The following CTNNA3 variants were observed in gnomAD, a reference collection of about 807,000 sequenced individuals.
CTNNA3 encodes the protein catenin alpha 3.
CTNNA3 carries 76 observed loss-of-function variants against 95.7 expected under a neutral mutation model. That is an observed-to-expected ratio of 0.79 (90% confidence interval 0.66 to 0.96). CTNNA3 has a LOEUF of 0.96. Ranked by LOEUF, CTNNA3 falls within the 40% of genes least tolerant of loss-of-function variation. The pLI is 0.00. For synonymous variants in CTNNA3, 431 were observed against 374.4 expected (o/e 1.15, Z -1.74); for missense variants, 1,191 against 1,089.8 (o/e 1.09, Z -1.31).
At chr10:66,319,571 T>A (rs1012282233) in intron 12 of CTNNA3, among the ~76,000 whole-genome samples, 2 of 152,132 alleles carry the variant, frequency 1.3e-5, no homozygotes, top group Non-Finnish European at 2.9e-5. Context: ...AACATAATTG[T>A]TTAAGCAGCT....
At chr10:67,587,815 CT>C (rs1842682137) in intron 3 of CTNNA3, among the ~76,000 whole-genome samples, 1 of 152,116 alleles carries the variant, frequency 6.6e-6, no homozygotes, top group African/African-American at 2.4e-5. Context: ...CTTTTGATCC[CT>C]TTTTGCCCTT....
intron 13 of CTNNA3, among the ~76,000 whole-genome samples, chr10:66,152,331 G>T (rs542634764): frequency 3.3e-5 from 5 of 151,872 alleles, no homozygotes; most frequent in African/African-American, 4.8e-5. Flanking sequence ...GATATTAATT[G>T]TAAATGATAT....
At chr10:65,960,626 T>C (rs912040343) in intron 17 of CTNNA3, among the ~76,000 whole-genome samples, 2 of 152,198 alleles carry the variant, frequency 1.3e-5, no homozygotes, top group African/African-American at 4.8e-5. Flanking sequence ...ATCTCTCAAA[T>C]AGTGAACATA....
chr10:67,644,360 C>T (rs1228922690), intron 2 of CTNNA3, among the ~76,000 whole-genome samples: 3 of 151,990 alleles, frequency 2.0e-5, no homozygotes, highest in Non-Finnish European at 2.9e-5. Context: ...TCCTATCCTT[C>T]GTCCGCTTTT....
At chr10:67,627,257 C>G (rs1838989676) in intron 2 of CTNNA3, among the ~76,000 whole-genome samples, 1 of 152,112 alleles carries the variant, frequency 6.6e-6, no homozygotes, top group African/African-American at 2.4e-5. Context: ...ACAAGTCCGT[C>G]CTCTGCCCTG....
chr10:66,401,647 T>C (rs1320593547), intron 11 of CTNNA3, among the ~76,000 whole-genome samples: 8 of 148,132 alleles, frequency 5.4e-5, no homozygotes, highest in Non-Finnish European at 1.2e-4. Flanking sequence ...ATTAAATTAT[T>C]CCATTTCTTT....
At chr10:66,823,903 A>C (rs1842396847) in intron 7 of CTNNA3, among the ~76,000 whole-genome samples, 1 of 152,154 alleles carries the variant, frequency 6.6e-6, no homozygotes, top group African/African-American at 2.4e-5. Flanking sequence ...AATATTGGAG[A>C]GTTACCATAT....
intron 7 of CTNNA3, among the ~76,000 whole-genome samples, chr10:67,157,485 AAG>A (rs559902680): frequency 4.6e-5 from 7 of 152,178 alleles, no homozygotes; most frequent in Non-Finnish European, 8.8e-5. Context: ...CCTTAAACCC[AAG>A]GTAGAAAAAA....
chr10:66,556,465 T>C (rs1842393250), intron 10 of CTNNA3, among the ~76,000 whole-genome samples: 5 of 152,080 alleles, frequency 3.3e-5, no homozygotes, highest in Admixed American at 2.6e-4. Context: ...ACAACCTATG[T>C]ATCTGTGAAT....
intron 11 of CTNNA3, among the ~76,000 whole-genome samples, chr10:66,412,346 G>A (rs989642431): frequency 6.6e-6 from 1 of 151,886 alleles, no homozygotes; most frequent in Non-Finnish European, 1.5e-5. Flanking sequence ...AAAATGAAGA[G>A]GCCACAAGGT....
At position 67,180,442 on chromosome 10, in the gene CTNNA3, T is replaced by C; in HGVS notation, c.922A>G (p.Ile308Val). 2 of 1,613,914 alleles carry C rather than the reference T, an allele frequency of 1.2e-6. No individual in the cohort carries two copies. Among genetic ancestry groups the C allele is most frequent in the Middle Eastern group, 1.7e-4 (1 of 6,060 alleles). ...PSLEKRLEAIISGAALLADSS... is the reference protein window; with the variant it reads ...PSLEKRLEAIVSGAALLADSS... ...TCCGCCAGCAGAGCAGCCCCACTGA[T>C]AATGGCTTCAAGGCGTTTCTCTAGT... The change falls in exon 7 of 18, where the codon ATC becomes GTC. Residue 308 changes from isoleucine (I) to valine (V), a missense_variant. Coordinates refer to ENST00000433211, the MANE Select transcript of CTNNA3 (RefSeq NM_013266.4).
At chr10:66,060,466 A>T (rs59558417) in intron 15 of CTNNA3, among the ~76,000 whole-genome samples, 35,528 of 151,980 alleles carry the variant, frequency 0.23, 4,184 homozygotes, top group Admixed American at 0.26. Context: ...ACTTAAACAC[A>T]CTAGCACGGA....
chr10:66,091,817 T>G (rs569329509), intron 14 of CTNNA3, among the ~76,000 whole-genome samples: 1 of 151,670 alleles, frequency 6.6e-6, no homozygotes, highest in Middle Eastern at 3.4e-3. Context: ...AAAACAGACC[T>G]AAAGCCAATT....
chr10:67,401,658 G>A (rs185853947), intron 5 of CTNNA3, among the ~76,000 whole-genome samples: 2 of 152,276 alleles, frequency 1.3e-5, no homozygotes, highest in Admixed American at 6.5e-5. Flanking sequence ...GTGATTGGAT[G>A]TGGCTCCCCC....
chr10:67,452,762 T>A (rs1452315201), intron 5 of CTNNA3, among the ~76,000 whole-genome samples: 1 of 152,144 alleles, frequency 6.6e-6, no homozygotes, highest in African/African-American at 2.4e-5. Flanking sequence ...GGAACACAGA[T>A]AATAGTTTCC....
chr10:67,301,704 C>T (rs1194214785), intron 5 of CTNNA3, among the ~76,000 whole-genome samples: 5 of 152,154 alleles, frequency 3.3e-5, no homozygotes, highest in African/African-American at 1.2e-4. Context: ...CATGGTGGCT[C>T]ACGCCTGTAA....
intron 5 of CTNNA3, among the ~76,000 whole-genome samples, chr10:67,245,135 C>A (rs1174357089): frequency 2.0e-5 from 3 of 152,158 alleles, no homozygotes; most frequent in African/African-American, 7.2e-5. Flanking sequence ...GCTCCATGGA[C>A]CTCCTTGCTG....
intron 12 of CTNNA3, among the ~76,000 whole-genome samples, chr10:66,312,017 G>A (rs1231648479): frequency 6.6e-6 from 1 of 152,126 alleles, no homozygotes; most frequent in Non-Finnish European, 1.5e-5. Context: ...ACTAAACAAA[G>A]CTGCTACGTA....
chr10:66,360,631 CT>C (rs781292916), intron 12 of CTNNA3, among the ~76,000 whole-genome samples: 2 of 47,098 alleles, frequency 4.2e-5, no homozygotes, highest in Non-Finnish European at 8.5e-5. Context: ...TTCTTTCTTT[CT>C]TTCTTTCTTT....
Sources: gnomAD v4.1 joint callset for allele counts (sites outside exome capture counted in the v4.1 genomes callset) on GRCh38, gnomAD v4.1.1 for gene constraint, MANE v1.5 for transcripts, NCBI Gene and HGNC (gene_info 2026-07-23, HGNC 2026-07-21) for gene names.